SLX4IP: variants seen among roughly 807,000 people sequenced by gnomAD.
SLX4IP encodes the protein SLX4 interacting protein.
A neutral mutation model predicts 32.9 loss-of-function variants in SLX4IP; 34 were observed. The observed-to-expected ratio is 1.03, with a 90% CI of 0.79 to 1.38. The LOEUF is 1.38. Ranked by LOEUF, SLX4IP falls within the 40% of genes most tolerant of loss-of-function variation. The pLI, the probability that SLX4IP is intolerant of heterozygous loss-of-function variation, is 0.00. For synonymous variants in SLX4IP, 172 were observed against 171.7 expected (o/e 1.00, Z -0.01); for missense variants, 444 against 479.0 (o/e 0.93, Z 0.68).
chr20:10,613,204 A>G, intron 6 of SLX4IP: 1 of 548,298 alleles, frequency 1.8e-6, no homozygotes, highest in East Asian at 3.3e-5. Context: ...CCACCCTCCC[A>G]ACTGTCACCA....
At chr20:10,542,886 G>A (rs896658479) in intron 2 of SLX4IP, among the ~76,000 whole-genome samples, 1 of 152,148 alleles carries the variant, frequency 6.6e-6, no homozygotes, top group African/African-American at 2.4e-5. Flanking sequence ...CTTCTTTGCA[G>A]TGACATCCAC....
At chr20:10,484,292 C>A (rs1231697821) in intron 2 of SLX4IP, among the ~76,000 whole-genome samples, 1 of 151,966 alleles carries the variant, frequency 6.6e-6, no homozygotes, top group Non-Finnish European at 1.5e-5. Context: ...AGAGTCAGAT[C>A]TTGATGGTCT....
chr20:10,493,120 A>G (rs138496790), intron 2 of SLX4IP, among the ~76,000 whole-genome samples: 2 of 152,270 alleles, frequency 1.3e-5, no homozygotes, highest in East Asian at 3.9e-4. Flanking sequence ...CTTTTCATCT[A>G]GCAGAACAAA....
chr20:10,607,162 G>C (rs2066914445), intron 6 of SLX4IP, among the ~76,000 whole-genome samples: 1 of 152,048 alleles, frequency 6.6e-6, no homozygotes, highest in Non-Finnish European at 1.5e-5. Flanking sequence ...TAGGTTTAAG[G>C]GACAGCCGAG....
chr20:10,548,453 A>G (rs1250137722), intron 2 of SLX4IP, among the ~76,000 whole-genome samples: 2 of 149,708 alleles, frequency 1.3e-5, no homozygotes, highest in African/African-American at 2.5e-5. Context: ...GTTAGCCAGG[A>G]TGGTCTCAAT....
At chr20:10,504,443 T>C (rs627691) in intron 2 of SLX4IP, among the ~76,000 whole-genome samples, 83,024 of 151,442 alleles carry the variant, frequency 0.55, 23,226 homozygotes, top group South Asian at 0.72. Context: ...AGCCCCTTCC[T>C]AGACCCGCTT....
intron 2 of SLX4IP, among the ~76,000 whole-genome samples, chr20:10,516,950 A>C (rs980269935): frequency 6.6e-6 from 1 of 152,168 alleles, no homozygotes; most frequent in Admixed American, 6.5e-5. Flanking sequence ...CAATCTATAC[A>C]ATATTTAGTA....
chr20:10,620,190 A>T (rs1807805916), intron 6 of SLX4IP, among the ~76,000 whole-genome samples: 1 of 152,222 alleles, frequency 6.6e-6, no homozygotes, highest in African/African-American at 2.4e-5. Flanking sequence ...TTCTGGTGGT[A>T]GCAACATTTT....
intron 6 of SLX4IP, among the ~76,000 whole-genome samples, chr20:10,608,238 C>T (rs2066926562): frequency 6.6e-6 from 1 of 152,210 alleles, no homozygotes; most frequent in Non-Finnish European, 1.5e-5. Context: ...CCCTTATTCA[C>T]TGATGACCTT....
At chr20:10,481,611 A>G (rs1340077301) in intron 2 of SLX4IP, among the ~76,000 whole-genome samples, 2 of 152,198 alleles carry the variant, frequency 1.3e-5, no homozygotes, top group East Asian at 1.9e-4. Flanking sequence ...TATTAATGCT[A>G]TAGTAACGCT....
intron 2 of SLX4IP, among the ~76,000 whole-genome samples, chr20:10,518,534 CT>C (rs2065877675): frequency 8.3e-5 from 9 of 108,968 alleles, no homozygotes; most frequent in African/African-American, 2.8e-4. Flanking sequence ...TCCTTCCTTC[CT>C]TCCTTCCTTC....
chr20:10,489,177 G>T (rs587240), intron 2 of SLX4IP, among the ~76,000 whole-genome samples: 59,181 of 151,712 alleles, frequency 0.39, 11,698 homozygotes, highest in Non-Finnish European at 0.43. Context: ...CATGCCAAAC[G>T]TTCACATAAG....
At chr20:10,450,124 C>G (rs1176050347) in intron 1 of SLX4IP, among the ~76,000 whole-genome samples, 1 of 152,142 alleles carries the variant, frequency 6.6e-6, no homozygotes, top group Admixed American at 6.6e-5. Flanking sequence ...CGTGGTCTAT[C>G]TGTCCTTCAG....
In SLX4IP at chr20:10,491,528, C is replaced by A. The variant is rs186678835; in HGVS notation, c.27+33297C>A. On this transcript the variant is annotated intron_variant, in intron 2 of 7. Transcript: ENST00000334534. Reference sequence around the variant, plus strand: ...GCACAACTAGAGAATGTTCAAGTTCCAGAACCTAACCATCTTTTTAGCAAT... The same window carrying A: ...GCACAACTAGAGAATGTTCAAGTTCAAGAACCTAACCATCTTTTTAGCAAT... Among the ~76,000 whole-genome samples the A allele has an allele frequency of 3.2e-3, 490 of 152,296 alleles. 6 individuals carry two copies. Among genetic ancestry groups the A allele is most frequent in the Non-Finnish European group, 2.3e-3 (159 of 68,038 alleles).
At chr20:10,607,013 G>A (rs183835109) in intron 6 of SLX4IP, among the ~76,000 whole-genome samples, 2 of 152,180 alleles carry the variant, frequency 1.3e-5, no homozygotes, top group African/African-American at 2.4e-5. Flanking sequence ...CTCTGCTTTC[G>A]ATGATGTTGG....
intron 2 of SLX4IP, among the ~76,000 whole-genome samples, chr20:10,481,422 C>T (rs931620684): frequency 6.6e-6 from 1 of 152,116 alleles, no homozygotes; most frequent in Admixed American, 6.6e-5. Flanking sequence ...GATCTGTTCT[C>T]CTATTAGATT....
At chr20:10,564,411 A>T (rs1360090688) in intron 4 of SLX4IP, among the ~76,000 whole-genome samples, 1 of 152,090 alleles carries the variant, frequency 6.6e-6, no homozygotes, top group Admixed American at 6.6e-5. Flanking sequence ...ATGAATGTGG[A>T]TTGTTTATGC....
At chr20:10,580,757 A>G (rs1457708646) in intron 4 of SLX4IP, among the ~76,000 whole-genome samples, 1 of 152,054 alleles carries the variant, frequency 6.6e-6, no homozygotes, top group Non-Finnish European at 1.5e-5. Context: ...GACAGAATGA[A>G]AAAAGCATAA....
At chr20:10,532,960 A>T (rs545587897) in intron 2 of SLX4IP, among the ~76,000 whole-genome samples, 4 of 152,212 alleles carry the variant, frequency 2.6e-5, no homozygotes, top group Non-Finnish European at 4.4e-5. Flanking sequence ...TATTTTTAGT[A>T]CAGATGGGGT....
Sources: gnomAD v4.1 joint callset for allele counts (sites outside exome capture counted in the v4.1 genomes callset) on GRCh38, gnomAD v4.1.1 for gene constraint, MANE v1.5 for transcripts, NCBI Gene and HGNC (gene_info 2026-07-23, HGNC 2026-07-21) for gene names.